The following CLIC5 variants were observed in gnomAD, a reference collection of about 807,000 sequenced individuals.
The protein encoded by CLIC5 is chloride intracellular channel protein 5.
Under a neutral mutation model 24.7 loss-of-function variants are expected in CLIC5, and 20 were observed. That is an observed-to-expected ratio of 0.81 (90% CI 0.57 to 1.18). The LOEUF (loss-of-function observed/expected upper bound fraction) is 1.18, where lower values mean the gene tolerates loss of function less well. Ranked by LOEUF, CLIC5 falls within the 50% of genes most tolerant of loss-of-function variation. The pLI is 0.00. For missense variants in CLIC5, 341 were observed against 326.1 expected (o/e 1.05, Z -0.35); for synonymous variants, 159 against 135.6 (o/e 1.17, Z -1.20).
the CLIC5 span, among the ~76,000 whole-genome samples, chr6:46,113,366 G>A: frequency 1.8e-4 from 28 of 152,122 alleles, no homozygotes; most frequent in African/African-American, 6.3e-4. Flanking sequence ...AGTAGGGTTC[G>A]GGAAGAAGGG....
chr6:45,907,467 G>T (rs757410045), intron 5 of CLIC5, among the ~76,000 whole-genome samples: 4 of 152,110 alleles, frequency 2.6e-5, no homozygotes, highest in Non-Finnish European at 5.9e-5. Flanking sequence ...TGTTCATCAG[G>T]GATATTGGCT....
intron 1 of CLIC5, among the ~76,000 whole-genome samples, chr6:46,025,086 C>G (rs1767292766): frequency 6.6e-6 from 1 of 151,922 alleles, no homozygotes; most frequent in Non-Finnish European, 1.5e-5. Flanking sequence ...AAAAAGAGCA[C>G]TAGACTGAGA....
At chr6:45,894,161 T>C (rs1023955837), downstream of CLIC5, among the ~76,000 whole-genome samples, 1 of 152,248 alleles carries the variant, frequency 6.6e-6, no homozygotes, top group African/African-American at 2.4e-5. Context: ...TATATTTCAC[T>C]TATCAATTTG....
chr6:45,915,054 C>T (rs1561928260), intron 4 of CLIC5, among the ~76,000 whole-genome samples: 2 of 151,258 alleles, frequency 1.3e-5, no homozygotes, highest in African/African-American at 4.9e-5. Context: ...CTCAGCCTCT[C>T]GAGTAGCTGG....
At chr6:46,055,935 G>A (rs1278458866) in intron 1 of CLIC5, among the ~76,000 whole-genome samples, 1 of 152,166 alleles carries the variant, frequency 6.6e-6, no homozygotes, top group African/African-American at 2.4e-5. Flanking sequence ...ATGGGAAGAG[G>A]TGAATGGGGA....
chr6:46,047,527 T>C (rs1767985983), intron 1 of CLIC5, among the ~76,000 whole-genome samples: 1 of 152,224 alleles, frequency 6.6e-6, no homozygotes, highest in South Asian at 2.1e-4. Flanking sequence ...AGGATCTAGT[T>C]TTCACCAATG....
At chr6:46,089,953 T>C in the CLIC5 span, among the ~76,000 whole-genome samples, 3 of 152,234 alleles carry the variant, frequency 2.0e-5, no homozygotes, top group African/African-American at 7.2e-5. Context: ...ACAGTATTTT[T>C]CGTGATTTGC....
chr6:46,109,743 T>C, the CLIC5 span, among the ~76,000 whole-genome samples: 1 of 152,168 alleles, frequency 6.6e-6, no homozygotes, highest in African/African-American at 2.4e-5. Context: ...TAGGGTAAAG[T>C]ATACTTTTGT....
At chr6:45,997,230 C>A (rs1037660862) in intron 1 of CLIC5, among the ~76,000 whole-genome samples, 2 of 150,806 alleles carry the variant, frequency 1.3e-5, no homozygotes, top group African/African-American at 4.9e-5. Flanking sequence ...TGGAAATCAT[C>A]ATTCTCAGTA....
the CLIC5 span, among the ~76,000 whole-genome samples, chr6:46,099,654 T>C: frequency 6.6e-6 from 1 of 152,186 alleles, no homozygotes; most frequent in Admixed American, 6.5e-5. Flanking sequence ...TAAGACCATG[T>C]GTGTCTTTAA....
At chr6:46,023,111 G>T (rs1581873994) in intron 1 of CLIC5, among the ~76,000 whole-genome samples, 1 of 152,204 alleles carries the variant, frequency 6.6e-6, no homozygotes, top group East Asian at 1.9e-4. Context: ...TCTATTTGAA[G>T]TCTCCTCCAT....
At chr6:46,046,382 A>C (rs987557534) in intron 1 of CLIC5, among the ~76,000 whole-genome samples, 1 of 152,208 alleles carries the variant, frequency 6.6e-6, no homozygotes, top group Non-Finnish European at 1.5e-5. Context: ...GAAACAAAAG[A>C]AACGAAATGA....
At chr6:46,036,371 C>T (rs1355745015) in intron 1 of CLIC5, among the ~76,000 whole-genome samples, 1 of 132,876 alleles carries the variant, frequency 7.5e-6, no homozygotes, top group African/African-American at 2.9e-5. Flanking sequence ...GTGCAGTTGG[C>T]GCGGTCTCGG....
At chr6:45,956,676 A>C (rs903722534) in intron 1 of CLIC5, among the ~76,000 whole-genome samples, 6 of 152,156 alleles carry the variant, frequency 3.9e-5, no homozygotes, top group Non-Finnish European at 2.9e-5. Context: ...ATAATGGAAA[A>C]CTGGAACTTT....
chr6:46,002,010 C>T (rs566878011), intron 1 of CLIC5, among the ~76,000 whole-genome samples: 18 of 152,250 alleles, frequency 1.2e-4, no homozygotes, highest in African/African-American at 4.3e-4. Flanking sequence ...CACCCCCACC[C>T]CCCACACCAG....
chr6:46,105,085 A>G, the CLIC5 span, among the ~76,000 whole-genome samples: 1 of 152,102 alleles, frequency 6.6e-6, no homozygotes, highest in East Asian at 1.9e-4. Context: ...GCTTTTGGGC[A>G]TTTGTGTGAA....
At chr6:45,973,886 C>T (rs868856632) in intron 1 of CLIC5, among the ~76,000 whole-genome samples, 1 of 150,488 alleles carries the variant, frequency 6.6e-6, no homozygotes, top group African/African-American at 2.5e-5. Context: ...GCCGAGATGG[C>T]GCCACTGCAC....
intron 1 of CLIC5, among the ~76,000 whole-genome samples, chr6:45,975,774 T>C (rs1316560026): frequency 6.6e-6 from 1 of 152,134 alleles, no homozygotes; most frequent in Non-Finnish European, 1.5e-5. Context: ...TTCATTTCTC[T>C]TACTATGAAA....
the CLIC5 span, among the ~76,000 whole-genome samples, chr6:46,108,224 C>A: frequency 1.3e-5 from 2 of 151,530 alleles, no homozygotes; most frequent in Non-Finnish European, 2.9e-5. Context: ...TACACTGATG[C>A]AAAAGTGAAA....
Sources: allele counts gnomAD v4.1 joint callset (sites outside exome capture counted in the v4.1 genomes callset), GRCh38; gene constraint gnomAD v4.1.1; transcripts MANE v1.5; gene names NCBI Gene and HGNC (gene_info 2026-07-23, HGNC 2026-07-21).